The following ZFP37 variants were observed in gnomAD, a reference collection of about 807,000 sequenced individuals.
The protein encoded by ZFP37 is ZFP37 zinc finger protein.
A neutral mutation model predicts 52.1 loss-of-function variants in ZFP37; 38 were observed. That is an observed-to-expected ratio of 0.73 (90% CI 0.56 to 0.96). The LOEUF is 0.96. Among genes scored for constraint, ZFP37 ranks in the 40% least tolerant of loss-of-function variants. ZFP37 has a pLI of 0.00. For synonymous variants in ZFP37, 253 were observed against 259.5 expected (o/e 0.98, Z 0.24); for missense variants, 695 against 741.4 (o/e 0.94, Z 0.73).
chr9:113,048,580 T>C (rs1828999964), intron 3 of ZFP37, among the ~76,000 whole-genome samples: 1 of 152,098 alleles, frequency 6.6e-6, no homozygotes, highest in Non-Finnish European at 1.5e-5. Context: ...TATGTGGCTA[T>C]ATGGAAGGGT....
intron 3 of ZFP37, among the ~76,000 whole-genome samples, chr9:113,046,223 C>CAGGT (rs3033197): frequency 6.7e-6 from 1 of 148,200 alleles, no homozygotes; most frequent in East Asian, 1.9e-4. Context: ...TATATATAGA[C>CAGGT]ATATATCTAT....
chr9:113,044,927 T>A (rs766369660), intron 3 of ZFP37, among the ~76,000 whole-genome samples: 1 of 151,514 alleles, frequency 6.6e-6, no homozygotes, highest in Non-Finnish European at 1.5e-5. Context: ...TTTAAAGAGA[T>A]CATTTGCACA....
intron 3 of ZFP37, among the ~76,000 whole-genome samples, chr9:113,045,859 C>T (rs1363197031): frequency 2.6e-5 from 4 of 152,096 alleles, no homozygotes; most frequent in South Asian, 4.1e-4. Flanking sequence ...CATGCTATAG[C>T]ATGGAATAGC....
intron 3 of ZFP37, among the ~76,000 whole-genome samples, chr9:113,048,749 C>T (rs1412171190): frequency 6.6e-6 from 1 of 152,132 alleles, no homozygotes; most frequent in African/African-American, 2.4e-5. Flanking sequence ...TGAATTATAG[C>T]GCACTTCCCA....
Position 113,043,385 on chromosome 9 carries a change from C to G in ZFP37, c.1233G>C (p.Gly411=). 6.2e-7 allele frequency: 1 copy of G among 1,614,124 alleles called. No individual in the cohort carries two copies. The part of the protein sequence containing the change: ...GEKPYECKEC[G]KSFRYNSSLT... Reference sequence around the variant, plus strand: ...GAGATGAGTTATACCTAAAAGACTTCCCACATTCCTTACATTCATATGGCT... The same window carrying G: ...GAGATGAGTTATACCTAAAAGACTTGCCACATTCCTTACATTCATATGGCT... The change falls in exon 4 of 4, where the codon GGG becomes GGC. Residue 411 remains glycine (G), a synonymous_variant. Transcript: ENST00000374227.
intron 1 of ZFP37, among the ~76,000 whole-genome samples, chr9:113,055,488 C>T (rs1409824362): frequency 1.3e-5 from 2 of 152,090 alleles, no homozygotes; most frequent in African/African-American, 4.8e-5. Flanking sequence ...TAAAACATTC[C>T]CTGGTTTTGA....
intron 1 of ZFP37, among the ~76,000 whole-genome samples, chr9:113,051,408 T>C (rs1034283252): frequency 1.3e-5 from 2 of 152,042 alleles, no homozygotes; most frequent in Non-Finnish European, 2.9e-5. Flanking sequence ...TTAAAGATAA[T>C]CCCTTATCCT....
chr9:113,055,319 A>G (rs1829121929), intron 1 of ZFP37, among the ~76,000 whole-genome samples: 1 of 152,128 alleles, frequency 6.6e-6, no homozygotes, highest in African/African-American at 2.4e-5. Context: ...CCTACCCTCA[A>G]TCACTCTGTA....
chr9:113,041,357 AG>A lies in ZFP37; in HGVS notation c.*1367del, dbSNP rs1467199499. 1 of 152,210 alleles carries A rather than the reference AG, an allele frequency of 6.6e-6. No homozygotes were observed. The highest frequency in any genetic ancestry group is 1.9e-4 in the East Asian group (1 of 5,204). The allele number at this position is 152,210 out of a possible 1,614,324, so 9.4% of individuals were successfully genotyped here. On this transcript the variant is annotated 3_prime_UTR_variant, in exon 4 of 4. Transcript: ENST00000374227. ...GAATGCACGCTGCACAATGATTCTG[AG>A]GCCAACTCTGGGTTCACTCAGAAAG...
In ZFP37 at chr9:113,040,163, T is replaced by C. The variant is rs1828823690; in HGVS notation, c.*2562A>G. On this transcript the variant is annotated 3_prime_UTR_variant, in exon 4 of 4. Coordinates refer to ENST00000374227, the MANE Select transcript of ZFP37 (RefSeq NM_003408.3). ...TTCATCAATGCTAACTTTTAATTCA[T>C]TTTATTACTGCACAAAGTGGCTTTC... The C allele has an allele frequency of 6.6e-6, 1 of 152,232 alleles. No homozygotes were observed. The highest frequency in any genetic ancestry group is 2.4e-5 in the African/African-American group (1 of 41,462). 9.4% of individuals were successfully genotyped at this position (152,232 alleles called of 1,614,324 possible).
At chr9:113,049,765 T>C (rs1367149466) in intron 2 of ZFP37, 26 bp downstream of exon 2, 1 of 1,609,848 alleles carries the variant, frequency 6.2e-7, no homozygotes, top group South Asian at 1.1e-5. Flanking sequence ...TGGACACATT[T>C]TGAATTACAA....
rs1828881495 is a variant in ZFP37 at position 113,043,139 on chromosome 9, C to T, written c.1479G>A (p.Glu493=). The change falls in exon 4 of 4, where the codon GAG becomes GAA. Residue 493 remains glutamate (E), a synonymous_variant. Coordinates refer to ENST00000374227, the MANE Select transcript of ZFP37 (RefSeq NM_003408.3). ...HTKEKPYKCN[E]CGKAFGHSSS... Reference sequence around the variant, plus strand: ...AGCTATGTCCAAAGGCTTTTCCACACTCATTACATTTATAAGGTTTCTCCT... The same window carrying T: ...AGCTATGTCCAAAGGCTTTTCCACATTCATTACATTTATAAGGTTTCTCCT... The T allele has an allele frequency of 6.2e-7, 1 of 1,613,422 alleles. No individual in the cohort carries two copies. The highest frequency in any genetic ancestry group is 1.3e-5 in the African/African-American group (1 of 74,852).
intron 1 of ZFP37, among the ~76,000 whole-genome samples, chr9:113,053,793 C>T (rs957527365): frequency 6.6e-6 from 1 of 152,174 alleles, no homozygotes; most frequent in African/African-American, 2.4e-5. Context: ...CTTCTCTCAC[C>T]TAAGGCCAGT....
At chr9:113,055,301 A>G (rs1235160173) in intron 1 of ZFP37, among the ~76,000 whole-genome samples, 2 of 152,202 alleles carry the variant, frequency 1.3e-5, no homozygotes, top group African/African-American at 4.8e-5. Flanking sequence ...GGCTAAAGTC[A>G]TGCACTCCCT....
chr9:113,055,588 G>A (rs1259992343), intron 1 of ZFP37, among the ~76,000 whole-genome samples: 1 of 152,114 alleles, frequency 6.6e-6, no homozygotes, highest in Non-Finnish European at 1.5e-5. Context: ...CTTACAGACT[G>A]TTCCTACTGT....
rs2118679128 is a variant in ZFP37 at position 113,042,280 on chromosome 9, G to A, written c.*445C>T. The A allele has an allele frequency of 6.6e-6, 1 of 152,028 alleles. No homozygotes were observed. Among genetic ancestry groups the A allele is most frequent in the South Asian group, 2.1e-4 (1 of 4,820 alleles). 9.4% of individuals were successfully genotyped at this position (152,028 alleles called of 1,614,324 possible). A position where few individuals can be genotyped will look rare whatever the true frequency, so the allele number is the denominator to read the frequency against. On this transcript the variant is annotated 3_prime_UTR_variant, in exon 4 of 4. Transcript: ENST00000374227. ...CCAACACAGACATTAAGAAAGAGCT[G>A]GGTGAAAATGTCAAAGAGGCTTATA...
Position 113,039,981 on chromosome 9 carries a change from T to C in ZFP37, c.*2744A>G, listed in dbSNP as rs1169113279. 6 of 152,200 alleles carry C rather than the reference T, an allele frequency of 3.9e-5. No individual in the cohort carries two copies. Among genetic ancestry groups the C allele is most frequent in the African/African-American group, 1.4e-4 (6 of 41,458 alleles). The allele number at this position is 152,200 out of a possible 1,614,324, so 9.4% of individuals were successfully genotyped here. A position where few individuals can be genotyped will look rare whatever the true frequency, so the allele number is the denominator to read the frequency against. ...CAGGGTTTCTGATCCAATATGTCTG[T>C]GACGAGGCCCAAGAATTTGCATTCT... On this transcript the variant is annotated 3_prime_UTR_variant, in exon 4 of 4. Transcript: ENST00000374227.
chr9:113,053,606 G>A (rs774752622), intron 1 of ZFP37, among the ~76,000 whole-genome samples: 48 of 152,070 alleles, frequency 3.2e-4, no homozygotes, highest in Admixed American at 9.8e-4. Context: ...TTTTAACTCT[G>A]AAAACTCCAA....
intron 3 of ZFP37, among the ~76,000 whole-genome samples, chr9:113,047,034 G>A (rs866305335): frequency 6.6e-6 from 1 of 151,698 alleles, no homozygotes; most frequent in Non-Finnish European, 1.5e-5. Flanking sequence ...GTGTGAACTC[G>A]GGAGGAGGAG....
Sources: gnomAD v4.1 joint callset for allele counts (sites outside exome capture counted in the v4.1 genomes callset) on GRCh38, gnomAD v4.1.1 for gene constraint, MANE v1.5 for transcripts, NCBI Gene and HGNC (gene_info 2026-07-23, HGNC 2026-07-21) for gene names.